The following TOP1MT variants were observed in gnomAD, a reference collection of about 807,000 sequenced individuals.
The protein encoded by TOP1MT is DNA topoisomerase I mitochondrial.
A neutral mutation model predicts 73.9 loss-of-function variants in TOP1MT; 80 were observed. That is an observed-to-expected ratio of 1.08 (90% CI 0.90 to 1.30). TOP1MT has a LOEUF of 1.30. Ranked by LOEUF, TOP1MT falls within the 50% of genes most tolerant of loss-of-function variation. TOP1MT has a pLI of 0.00. For missense variants in TOP1MT, 815 were observed against 808.0 expected (o/e 1.01, Z -0.10); for synonymous variants, 338 against 326.4 (o/e 1.04, Z -0.38).
At chr8:143,317,925 G>T in intron 9 of TOP1MT, 88 bp from the exon 10 acceptor site, 1 of 1,590,260 alleles carries the variant, frequency 6.3e-7, no homozygotes, top group South Asian at 1.1e-5. Flanking sequence ...TCAGCCGTTG[G>T]GTCAGGACAA....
intron 12 of TOP1MT, among the ~76,000 whole-genome samples, chr8:143,313,628 C>T (rs183542549): frequency 0.014 from 2,037 of 150,002 alleles, 39 homozygotes; most frequent in African/African-American, 0.047. Flanking sequence ...CCGAGACAGG[C>T]AGATTGCCTG....
chr8:143,359,269 G>T, upstream of TOP1MT: 1 of 985,178 alleles, frequency 1.0e-6, no homozygotes, highest in South Asian at 4.7e-5. Context: ...CAAACCTGAG[G>T]TGTTACAAGG....
intron 7 of TOP1MT, among the ~76,000 whole-genome samples, chr8:143,323,052 CCA>C (rs200337733): frequency 2.6e-5 from 3 of 117,598 alleles, no homozygotes; most frequent in Non-Finnish European, 3.6e-5. Flanking sequence ...CACAGGCACG[CCA>C]CACACAGGCA....
At chr8:143,347,470 T>C (rs144428668), upstream of TOP1MT, among the ~76,000 whole-genome samples, 1,566 of 152,326 alleles carry the variant, frequency 0.01, 11 homozygotes, top group Middle Eastern at 0.037. Context: ...TTGTATTTTT[T>C]AGTAGAGACG....
chr8:143,327,833 G>A (rs767959086), intron 3 of TOP1MT: 11 of 376,774 alleles, frequency 2.9e-5, no homozygotes, highest in East Asian at 8.3e-5. Context: ...CAGCTGGCTC[G>A]GGGCAGTCAG....
chr8:143,312,415 T>C (rs1816037370), intron 12 of TOP1MT, among the ~76,000 whole-genome samples: 1 of 152,174 alleles, frequency 6.6e-6, no homozygotes, highest in Non-Finnish European at 1.5e-5. Context: ...TGGTTTCATA[T>C]CTGATCAATT....
chr8:143,315,789 G>A lies in TOP1MT; in HGVS notation c.1491C>T (p.Ala497=), dbSNP rs1396461705. 1 of 1,613,884 alleles carries A rather than the reference G, an allele frequency of 6.2e-7. No homozygotes were observed. The highest frequency in any genetic ancestry group is 8.5e-7 in the Non-Finnish European group (1 of 1,179,998). The change falls in exon 12 of 14, where the codon GCC becomes GCT. Residue 497 remains alanine (A), a synonymous_variant. Transcript: ENST00000329245. ...IQAKKEQVAE[A]RAELRRARAE... is the part of the protein sequence containing the mutation. ...CCCTCGCCCTCCTCAGCTCTGCCCTGGCCTCAGCCACCTGCTCCTTCTTTG... is the reference window on the plus strand; with the variant it reads ...CCCTCGCCCTCCTCAGCTCTGCCCTAGCCTCAGCCACCTGCTCCTTCTTTG...
At chr8:143,345,472 C>T (rs1205505938), upstream of TOP1MT, among the ~76,000 whole-genome samples, 1 of 152,218 alleles carries the variant, frequency 6.6e-6, no homozygotes, top group East Asian at 1.9e-4. Context: ...GCAGGCTGGC[C>T]CCTCCAGCTC....
At chr8:143,320,053 G>A (rs971080909) in intron 8 of TOP1MT, among the ~76,000 whole-genome samples, 8 of 151,896 alleles carry the variant, frequency 5.3e-5, no homozygotes, top group African/African-American at 1.9e-4. Flanking sequence ...GAACCCAGGA[G>A]GCGGAGGTCG....
At chr8:143,316,155 A>C (rs1173695541) in intron 10 of TOP1MT, 29 bp from the exon 11 acceptor site, 1 of 1,613,622 alleles carries the variant, frequency 6.2e-7, no homozygotes, top group South Asian at 1.1e-5. Flanking sequence ...CAGAGGCAGC[A>C]CCCACGGGGC....
At chr8:143,323,113 CAT>C (rs1168137248) in intron 7 of TOP1MT, among the ~76,000 whole-genome samples, 5 of 142,120 alleles carry the variant, frequency 3.5e-5, no homozygotes, top group Non-Finnish European at 3.0e-5. Context: ...GCACGCCACA[CAT>C]GCACGCCACA....
Position 143,310,217 on chromosome 8 carries a change from A to G in TOP1MT, c.1554T>C (p.Ser518=), listed in dbSNP as rs766330818. Residue 518 remains serine (S), a splice_region_variant and synonymous_variant, in exon 13 of 14, where the codon AGT becomes AGC. Transcript: ENST00000329245. ...GGAGCCGCCTCTTCTTCTCCAGGACACTGGCAAGAGAAGAGGAGGCCGCGA... is the reference window on the plus strand; with the variant it reads ...GGAGCCGCCTCTTCTTCTCCAGGACGCTGGCAAGAGAAGAGGAGGCCGCGA... ...HKAQGDGKSR[S]VLEKKRRLLE... is the part of the protein sequence containing the mutation. 29 of 1,554,810 alleles carry G rather than the reference A, an allele frequency of 1.9e-5. No individual in the cohort carries two copies. Among genetic ancestry groups the G allele is most frequent in the Non-Finnish European group, 2.3e-5 (27 of 1,152,146 alleles).
In TOP1MT at chr8:143,341,840, T is replaced by C. The variant is rs34755911; in HGVS notation, c.29+1380A>G. ...TCCTTCTTCCTTCTTCTTCCTCTTC[T>C]TCCTCCTCCTCCTCCTTCCTCTTTC... On this transcript the variant is annotated intron_variant, in intron 2 of 5. Transcript: ENST00000518007. The surrounding 1 kb of genome is among the most constrained non-coding windows in gnomAD (Gnocchi z 4.1). Among the ~76,000 whole-genome samples the C allele has an allele frequency of 6.7e-5, 10 of 150,030 alleles. No individual in the cohort carries two copies. Among genetic ancestry groups the C allele is most frequent in the African/African-American group, 2.3e-4 (9 of 39,626 alleles).
chr8:143,328,645 C>T (rs951864575), intron 3 of TOP1MT, among the ~76,000 whole-genome samples: 3 of 152,208 alleles, frequency 2.0e-5, no homozygotes, highest in East Asian at 1.9e-4. Flanking sequence ...CCCTCACCCA[C>T]GTGGGAATGT....
At chr8:143,352,422 C>T (rs2467949) in intron 1 of TOP1MT, among the ~76,000 whole-genome samples, 16,803 of 152,192 alleles carry the variant, frequency 0.11, 3,157 homozygotes, top group African/African-American at 0.38. Flanking sequence ...GGATGTCAGA[C>T]CACTCAATGG....
rs1816709884 is a variant in TOP1MT at position 143,326,413 on chromosome 8, T to A, written c.361-69A>T. ...AGACATGCAGAGCGCTCTCGCCATGTCTGACGGACAGAAACGCGCTCTCGC... is the reference window on the plus strand; with the variant it reads ...AGACATGCAGAGCGCTCTCGCCATGACTGACGGACAGAAACGCGCTCTCGC... On this transcript the variant is annotated intron_variant, in intron 3 of 13. Coordinates refer to ENST00000329245, the MANE Select transcript of TOP1MT (RefSeq NM_052963.3). 5 of 1,594,280 alleles carry A rather than the reference T, an allele frequency of 3.1e-6. No individual in the cohort carries two copies. In the African/African-American group the frequency reaches 6.7e-5, roughly 21 times the overall value.
intron 7 of TOP1MT, among the ~76,000 whole-genome samples, chr8:143,323,323 CCACA>C (rs201009745): frequency 9.5e-6 from 1 of 105,050 alleles, no homozygotes; most frequent in Non-Finnish European, 1.9e-5. Flanking sequence ...CACACGCACG[CCACA>C]CACATGCACG....
chr8:143,330,054 T>G (rs1232804939), intron 2 of TOP1MT, among the ~76,000 whole-genome samples: 1 of 152,244 alleles, frequency 6.6e-6, no homozygotes, highest in African/African-American at 2.4e-5. Context: ...AAGAAAATTT[T>G]AGAGAAATAA....
chr8:143,356,410 C>T (rs1817408327), upstream of TOP1MT, among the ~76,000 whole-genome samples: 1 of 152,258 alleles, frequency 6.6e-6, no homozygotes, highest in Admixed American at 6.5e-5. Flanking sequence ...CATAAATGCA[C>T]CTTGTGTGAA....
Sources: gnomAD v4.1 joint callset for allele counts (sites outside exome capture counted in the v4.1 genomes callset) on GRCh38, gnomAD v4.1.1 for gene constraint, Gnocchi (gnomAD v3.1) non-coding constraint, MANE v1.5 for transcripts, NCBI Gene and HGNC (gene_info 2026-07-23, HGNC 2026-07-21) for gene names.